MASP1: variants seen among roughly 807,000 people sequenced by gnomAD.
MASP1 encodes the protein mannan-binding lectin serine protease 1.
Under a neutral mutation model 77.1 loss-of-function variants are expected in MASP1, and 59 were observed. The ratio of observed to expected loss-of-function variants is 0.77; its 90% CI spans 0.62 to 0.95. The LOEUF is 0.95. Ranked by LOEUF, MASP1 falls within the 40% of genes least tolerant of loss-of-function variation. The probability of loss-of-function intolerance (pLI) is 0.00; values close to 1 mark genes in which losing one functional copy is unlikely to be tolerated. For synonymous variants in MASP1, 362 were observed against 354.5 expected (o/e 1.02, Z -0.24); for missense variants, 885 against 912.9 (o/e 0.97, Z 0.39).
intron 8 of MASP1, among the ~76,000 whole-genome samples, chr3:187,247,734 G>A (rs1043844883): frequency 1.3e-5 from 2 of 152,186 alleles, no homozygotes; most frequent in Admixed American, 6.5e-5. Flanking sequence ...GGTCACCACA[G>A]CAAGGTGGAG....
intron 2 of MASP1, among the ~76,000 whole-genome samples, chr3:187,267,913 A>G (rs1579554409): frequency 7.4e-6 from 1 of 135,866 alleles, no homozygotes; most frequent in East Asian, 2.2e-4. Flanking sequence ...TATAATTACG[A>G]GTTCTAATAC....
intron 14 of MASP1, chr3:187,223,066 G>T: frequency 7.1e-7 from 1 of 1,417,726 alleles, no homozygotes; most frequent in Non-Finnish European, 1.0e-6. Flanking sequence ...ACAATACGGA[G>T]CAGGAAGGCC....
intron 1 of MASP1, among the ~76,000 whole-genome samples, chr3:187,287,469 G>T (rs796610578): frequency 6.6e-6 from 1 of 152,152 alleles, no homozygotes; most frequent in Non-Finnish European, 1.5e-5. Flanking sequence ...GTATCACATT[G>T]CACTACGTTA....
chr3:187,226,902 A>T (rs1441780311), intron 11 of MASP1, among the ~76,000 whole-genome samples: 1 of 152,182 alleles, frequency 6.6e-6, no homozygotes, highest in East Asian at 1.9e-4. Flanking sequence ...GACCAGCAAC[A>T]TTAGCATCAC....
chr3:187,253,810 G>A (rs985387372), intron 5 of MASP1, among the ~76,000 whole-genome samples: 3 of 152,082 alleles, frequency 2.0e-5, no homozygotes, highest in African/African-American at 7.2e-5. Flanking sequence ...GACACAGGGA[G>A]GGGAAGATCA....
At chr3:187,288,750 A>G (rs931978548) in intron 1 of MASP1, among the ~76,000 whole-genome samples, 3 of 152,178 alleles carry the variant, frequency 2.0e-5, no homozygotes, top group Admixed American at 2.0e-4. Context: ...TCCAGACCAC[A>G]TCGAGGAGAC....
At chr3:187,236,659 C>G in intron 10 of MASP1, 92 bp from the exon 11 acceptor site, 1 of 1,609,178 alleles carries the variant, frequency 6.2e-7, no homozygotes, top group Admixed American at 1.7e-5. Context: ...CACATTTCAC[C>G]CACTATAGAT....
chr3:187,248,435 G>C (rs1055163210), intron 8 of MASP1, among the ~76,000 whole-genome samples: 1 of 152,174 alleles, frequency 6.6e-6, no homozygotes, highest in Non-Finnish European at 1.5e-5. Context: ...AGGCCAAAGA[G>C]TCTGAATACA....
intron 8 of MASP1, chr3:187,247,051 A>G (rs1430971169): frequency 7.5e-7 from 1 of 1,334,864 alleles, no homozygotes; most frequent in African/African-American, 1.5e-5. Context: ...TTCCGTTGAG[A>G]AAAGTACAGT....
chr3:187,281,112 C>T (rs1717372212), intron 2 of MASP1, among the ~76,000 whole-genome samples: 1 of 152,218 alleles, frequency 6.6e-6, no homozygotes, highest in Non-Finnish European at 1.5e-5. Context: ...GATTCGTATG[C>T]CTCATCCGTA....
At chr3:187,252,107 A>G (rs1245512352) in intron 6 of MASP1, among the ~76,000 whole-genome samples, 1 of 152,138 alleles carries the variant, frequency 6.6e-6, no homozygotes, top group Non-Finnish European at 1.5e-5. Context: ...GAGCCCCACC[A>G]GGTCCAAACC....
At chr3:187,245,416 T>G (rs958001481) in intron 8 of MASP1, among the ~76,000 whole-genome samples, 6 of 152,142 alleles carry the variant, frequency 3.9e-5, no homozygotes, top group African/African-American at 1.2e-4. Flanking sequence ...TGGCTGATGC[T>G]GGCGGATAGA....
chr3:187,232,414 C>T (rs766953754), downstream of MASP1, among the ~76,000 whole-genome samples: 1 of 152,128 alleles, frequency 6.6e-6, no homozygotes, highest in Non-Finnish European at 1.5e-5. Flanking sequence ...TCTGCCCTGT[C>T]CTCTAAAACT....
intron 6 of MASP1, among the ~76,000 whole-genome samples, chr3:187,252,197 C>T (rs1224801117): frequency 2.6e-5 from 4 of 152,206 alleles, no homozygotes; most frequent in African/African-American, 4.8e-5. Context: ...CATGGCAGCT[C>T]AGGGACACAG....
chr3:187,220,376 G>C (rs560689943), intron 15 of MASP1: 1 of 897,674 alleles, frequency 1.1e-6, no homozygotes, highest in Non-Finnish European at 1.7e-6. Flanking sequence ...ATAGCAGACC[G>C]TTGGACCCAA....
In MASP1 at chr3:187,234,784, C is replaced by T; in HGVS notation, c.*900G>A. On this transcript the variant is annotated 3_prime_UTR_variant, in exon 11 of 11. Coordinates refer to ENST00000296280, the MANE Select transcript of MASP1 (RefSeq NM_139125.4). ...GTCTTTTCTTTTTCCAGGTAATCGA[C>T]TAAGTCCCCATATTCGGGCCTGGGC... The T allele has an allele frequency of 7.8e-7, 1 of 1,287,264 alleles. No individual in the cohort carries two copies. The highest frequency in any genetic ancestry group is 1.0e-6 in the Non-Finnish European group (1 of 988,706). 79.7% of individuals were successfully genotyped at this position (1,287,264 alleles called of 1,614,324 possible).
intron 2 of MASP1, among the ~76,000 whole-genome samples, chr3:187,284,764 T>C (rs1433680875): frequency 6.6e-5 from 10 of 152,206 alleles, no homozygotes; most frequent in African/African-American, 1.9e-4. Flanking sequence ...GGTGAGTTGC[T>C]TAACCTTCCT....
chr3:187,236,126 G>T lies in MASP1; in HGVS notation c.1745C>A (p.Pro582Gln). 2.5e-6 allele frequency: 4 copies of T among 1,613,902 alleles called. No homozygotes were observed. Among genetic ancestry groups the T allele is most frequent in the Non-Finnish European group, 3.4e-6 (4 of 1,180,028 alleles). The change falls in exon 11 of 11, where the codon CCG becomes CAG. Residue 582 changes from proline to glutamine, a missense_variant. By Grantham distance (76) the Pro-to-Gln change is moderately conservative (BLOSUM62 -1). Transcript: ENST00000296280. ...VCLPRLEPEGPAPHMLGLVAG... is the reference protein window; with the variant it reads ...VCLPRLEPEGQAPHMLGLVAG... ...CACCAGGCCCAGCATGTGGGGGGCC[G>T]GGCCTTCAGGCTCAAGCCTTGGCAG...
At chr3:187,261,016 G>T in intron 3 of MASP1, 144 bp from the exon 4 acceptor site, 1 of 981,360 alleles carries the variant, frequency 1.0e-6, no homozygotes, top group Non-Finnish European at 1.6e-6. Flanking sequence ...ACAGCCCAGA[G>T]GTAGCCATTA....
Sources: allele counts gnomAD v4.1 joint callset (sites outside exome capture counted in the v4.1 genomes callset), GRCh38; gene constraint gnomAD v4.1.1; transcripts MANE v1.5; gene names NCBI Gene and HGNC (gene_info 2026-07-23, HGNC 2026-07-21).